The following ZP2 variants were observed in gnomAD, a reference collection of about 807,000 sequenced individuals.
ZP2 encodes the protein zona pellucida glycoprotein 2.
ZP2 carries 51 observed loss-of-function variants against 84.0 expected under a neutral mutation model. The observed-to-expected ratio is 0.61, with a 90% CI of 0.49 to 0.77. The LOEUF (loss-of-function observed/expected upper bound fraction) is 0.77. Ranked by LOEUF, ZP2 falls within the 30% of genes least tolerant of loss-of-function variation. The pLI, the probability that ZP2 is intolerant of heterozygous loss-of-function variation, is 0.00. For synonymous variants in ZP2, 375 were observed against 330.9 expected (o/e 1.13, Z -1.45); for missense variants, 909 against 911.9 (o/e 1.00, Z 0.04).
rs2093205269 is a variant in ZP2 at position 21,197,604 on chromosome 16, C to A, written c.2114G>T (p.Gly705Val). The A allele has an allele frequency of 6.2e-7, 1 of 1,614,128 alleles. No individual in the cohort carries two copies. The highest frequency in any genetic ancestry group is 1.3e-5 in the African/African-American group (1 of 75,012). The change falls in exon 19 of 19, where the codon GGG (glycine) becomes GTG (valine). Residue 705 changes from glycine (G) to valine (V), a missense_variant. By Grantham distance (109) the Gly-to-Val change is moderately radical. Coordinates refer to ENST00000574091, the MANE Select transcript of ZP2 (RefSeq NM_001376232.1). The stretch of plus-strand genomic sequence containing the variant: ...ACCAACATCTCCAGCAGTCTTGTGC[C>A]CTTTGGTGTCCATAGCACCTACAAA... ...VGSRGAMDTK[G>V]HKTAGDVGSK...
intron 9 of ZP2, 66 bp downstream of exon 9, chr16:21,203,964 A>T (rs1024573004): frequency 2.7e-5 from 43 of 1,572,444 alleles, no homozygotes; most frequent in Non-Finnish European, 3.6e-5. Context: ...CCGTATGAGG[A>T]CTACCCACAA....
At chr16:21,207,035 C>G in intron 4 of ZP2, 45 bp from the exon 5 acceptor site, 1 of 1,606,368 alleles carries the variant, frequency 6.2e-7, no homozygotes, top group Non-Finnish European at 8.5e-7. Context: ...TACTGTACCC[C>G]CATGGGATTC....
At position 21,202,021 on chromosome 16, in the gene ZP2, G is replaced by T. The variant is rs773028658; in HGVS notation, c.1290C>A (p.Phe430Leu). Residue 430 changes from phenylalanine (F) to leucine (L), a missense_variant and splice_region_variant, in exon 12 of 19, where the codon TTC becomes TTA. Phe to Leu is a conservative substitution (Grantham distance 22, BLOSUM62 0). Transcript: ENST00000574091. ...TTTCATAGACGACTTTATCATCTTC[G>T]AACTTAAATGTCAGAGAAAGTGGGT... is the stretch of plus-strand genomic sequence containing the variant. ...PLNGCGTRYK[F>L]EDDKVVYENE... 14 of 1,613,706 alleles carry T rather than the reference G, an allele frequency of 8.7e-6. No individual in the cohort carries two copies. In the South Asian group the frequency reaches 1.1e-4, roughly 13 times the overall value.
At chr16:21,202,731 T>C (rs1252871338) in intron 10 of ZP2, among the ~76,000 whole-genome samples, 3 of 151,852 alleles carry the variant, frequency 2.0e-5, no homozygotes, top group Non-Finnish European at 2.9e-5. Context: ...GCAGATCACA[T>C]TAAACAGAAG....
upstream of ZP2, chr16:21,211,579 A>C: frequency 1.9e-6 from 3 of 1,613,864 alleles, no homozygotes; most frequent in Non-Finnish European, 1.7e-6. Context: ...AACCAGGTAG[A>C]GGGTAGGCTG....
Position 21,203,194 on chromosome 16 carries a change from G to A in ZP2, c.1030C>T (p.Leu344Phe). 1.9e-6 allele frequency: 3 copies of A among 1,613,990 alleles called. No individual in the cohort carries two copies. The highest frequency in any genetic ancestry group is 2.5e-6 in the Non-Finnish European group (3 of 1,179,926). The change falls in exon 10 of 19, where the codon CTC (leucine) becomes TTC (phenylalanine). Residue 344 changes from leucine (L) to phenylalanine (F), a missense_variant. Leu to Phe is a conservative substitution (Grantham distance 22, BLOSUM62 0). Coordinates refer to ENST00000574091, the MANE Select transcript of ZP2 (RefSeq NM_001376232.1). ...FYLASLKLTF[L>F]LRPETVSMVI... ...ATGGATACTGTCTCTGGCCGAAGGA[G>A]AAAGGTCAGCTTGAGTGAAGCTAAG... is the stretch of plus-strand genomic sequence containing the variant.
chr16:21,201,286 C>A (rs986308717), intron 14 of ZP2, 83 bp downstream of exon 14: 4 of 1,285,460 alleles, frequency 3.1e-6, no homozygotes, highest in East Asian at 2.4e-5. Flanking sequence ...GAATGCTGCT[C>A]TAAAGCCCAA....
chr16:21,207,651 CA>C (rs1170903584), intron 4 of ZP2, among the ~76,000 whole-genome samples: 1 of 97,288 alleles, frequency 1.0e-5, no homozygotes, highest in Non-Finnish European at 2.2e-5. Context: ...CACACACACA[CA>C]CACACACACA....
At position 21,202,118 on chromosome 16, in the gene ZP2, C is replaced by T. The variant is rs768663589; in HGVS notation, c.1273G>A (p.Gly425Arg). Residue 425 changes from glycine to arginine, a missense_variant, in exon 11 of 19, where the codon GGA becomes AGA. Coordinates refer to ENST00000574091, the MANE Select transcript of ZP2 (RefSeq NM_001376232.1). ...CCAGTACTAACCTTATATCTCGTTC[C>T]ACATCCATTCAGGGGTATGTGGAAC... ...VRFHIPLNGC[G>R]TRYKFEDDKV... The T allele has an allele frequency of 8.7e-6, 14 of 1,613,096 alleles. No individual in the cohort carries two copies. The East Asian group carries it at 1.1e-4, about 13-fold the overall frequency.
At chr16:21,198,918 G>T in intron 16 of ZP2, 56 bp from the exon 17 acceptor site, 2 of 1,457,198 alleles carry the variant, frequency 1.4e-6, no homozygotes, top group Admixed American at 1.7e-5. Context: ...TTCGAGAGGT[G>T]TGTCAATGGA....
In ZP2 at chr16:21,206,873, A is replaced by G. The variant is rs2093252269; in HGVS notation, c.448T>C (p.Ser150Pro). 1.2e-6 allele frequency: 2 copies of G among 1,614,028 alleles called. No homozygotes were observed. Among genetic ancestry groups the G allele is most frequent in the Non-Finnish European group, 1.7e-6 (2 of 1,180,016 alleles). Residue 150 changes from serine to proline, a missense_variant, in exon 5 of 19, where the codon TCA (serine) becomes CCA (proline). Physicochemically the swap from Ser to Pro is moderately conservative, Grantham distance 74. Coordinates refer to ENST00000574091, the MANE Select transcript of ZP2 (RefSeq NM_001376232.1). The stretch of plus-strand genomic sequence containing the variant: ...TCCTTCTGGCAGATTGTAGATGCTG[A>G]AAGCCCCTGGGTCTCTTCTACTTGC... ...AMQVEETQGL[S>P]ASTICQKDFM...
intron 16 of ZP2, 62 bp downstream of exon 16, chr16:21,199,507 AT>A: frequency 7.2e-7 from 1 of 1,379,570 alleles, no homozygotes; most frequent in Non-Finnish European, 9.8e-7. Context: ...AAGATCTTCT[AT>A]TCTAAAAAGT....
At chr16:21,208,122 C>T (rs1015497104) in intron 4 of ZP2, among the ~76,000 whole-genome samples, 12 of 151,994 alleles carry the variant, frequency 7.9e-5, no homozygotes, top group Admixed American at 1.3e-4. Context: ...GAGGCTGAGA[C>T]GGGAGAATCC....
chr16:21,203,261 G>C lies in ZP2; in HGVS notation c.973-10C>G, dbSNP rs1042139237. On this transcript the variant is annotated splice_polypyrimidine_tract_variant and intron_variant, in intron 9 of 18. Transcript: ENST00000574091. ...GGCATTTTTCAGATAACTGAAATGA[G>C]AAAATGTCAATTAGCAGCCACAGTC... The C allele has an allele frequency of 6.2e-7, 1 of 1,612,836 alleles. No individual in the cohort carries two copies. The highest frequency in any genetic ancestry group is 8.5e-7 in the Non-Finnish European group (1 of 1,179,494).
chr16:21,205,796 T>C (rs1313826054), intron 5 of ZP2, 21 bp from the exon 6 acceptor site: 3 of 1,613,370 alleles, frequency 1.9e-6, no homozygotes, highest in South Asian at 1.1e-5. Context: ...AGAATTGTGA[T>C]GTAAGACTTT....
rs1427244099 is a variant in ZP2 at position 21,198,855 on chromosome 16, C to G, written c.1935G>C (p.Gly645=). Residue 645 remains glycine (G), a synonymous_variant, in exon 17 of 19, where the codon GGG becomes GGC. Coordinates refer to ENST00000574091, the MANE Select transcript of ZP2 (RefSeq NM_001376232.1). ...CTGTCATTTTCTCTGCTTCAGTGGC[C>G]CCTGTGGCTGGAGACAGATGATCAA... ...PVSSRHRRAT[G]ATEAEKMTVS... is the part of the protein sequence containing the mutation. The G allele has an allele frequency of 6.2e-7, 1 of 1,613,790 alleles. No individual in the cohort carries two copies. Among genetic ancestry groups the G allele is most frequent in the Non-Finnish European group, 8.5e-7 (1 of 1,179,886 alleles).
rs757844579 is a variant in ZP2 at position 21,210,206 on chromosome 16, G to A, written c.152-14C>T. 21 of 1,611,388 alleles carry A rather than the reference G, an allele frequency of 1.3e-5. No homozygotes were observed. The South Asian group carries it at 2.2e-4, about 17-fold the overall frequency. On this transcript the variant is annotated splice_polypyrimidine_tract_variant and intron_variant, in intron 2 of 18. Transcript: ENST00000574091. ...AAGTGACAGTGCCTAAGGAGCAAAG[G>A]AAGCATTTGGGGGCTTTGAGTCATG...
Position 21,202,088 on chromosome 16 carries a change from A to T in ZP2, c.1287+16T>A, listed in dbSNP as rs780731880. 2 of 1,613,348 alleles carry T rather than the reference A, an allele frequency of 1.2e-6. No homozygotes were observed. The highest frequency in any genetic ancestry group is 1.7e-5 in the Admixed American group (1 of 59,978). On this transcript the variant is annotated intron_variant, in intron 11 of 18. Transcript: ENST00000574091. ...CAAAGATGAGACTTAACCTCGTGCC[A>T]TCTGCCAGTACTAACCTTATATCTC...
At chr16:21,203,481 T>C (rs769561963) in intron 9 of ZP2, among the ~76,000 whole-genome samples, 4 of 152,174 alleles carry the variant, frequency 2.6e-5, no homozygotes, top group Non-Finnish European at 5.9e-5. Context: ...CTGTACTCTT[T>C]GTACGAGGCA....
Sources: gnomAD v4.1 joint callset for allele counts (sites outside exome capture counted in the v4.1 genomes callset) on GRCh38, gnomAD v4.1.1 for gene constraint, MANE v1.5 for transcripts, NCBI Gene and HGNC (gene_info 2026-07-23, HGNC 2026-07-21) for gene names.